Variants in KATNIP observed in about 807,000 individuals in gnomAD.
KATNIP encodes katanin-interacting protein.
KATNIP carries 126 observed loss-of-function variants against 174.0 expected under a neutral mutation model. That is an observed-to-expected ratio of 0.72 (90% CI 0.63 to 0.84). The LOEUF (loss-of-function observed/expected upper bound fraction) is 0.84, where lower values mean the gene tolerates loss of function less well. Ranked by LOEUF, KATNIP falls within the 40% of genes least tolerant of loss-of-function variation. KATNIP has a pLI of 0.00. For synonymous variants in KATNIP, 810 were observed against 835.7 expected (o/e 0.97, Z 0.53); for missense variants, 1,958 against 2,109.7 (o/e 0.93, Z 1.41).
At chr16:27,754,412 C>T (rs752348020) in intron 18 of KATNIP, 161 bp downstream of exon 18, 12 of 625,734 alleles carry the variant, frequency 1.9e-5, no homozygotes, top group South Asian at 5.8e-5. Context: ...AACCAGCCTG[C>T]GCTCAGCTCC....
At chr16:27,578,037 A>G (rs1185345254) in intron 2 of KATNIP, among the ~76,000 whole-genome samples, 1 of 152,190 alleles carries the variant, frequency 6.6e-6, no homozygotes, top group Non-Finnish European at 1.5e-5. Context: ...CCCAATGTCC[A>G]GGCCTCTTTC....
intron 14 of KATNIP, among the ~76,000 whole-genome samples, chr16:27,732,994 C>T (rs1394538541): frequency 2.0e-5 from 3 of 152,210 alleles, no homozygotes; most frequent in Non-Finnish European, 4.4e-5. Context: ...GGGCCGACTC[C>T]AGTTGTGTCG....
In KATNIP at chr16:27,573,926, A is replaced by G. The variant is rs2090395936; in HGVS notation, c.33A>G (p.Arg11=). 6.2e-7 allele frequency: 1 copy of G among 1,614,038 alleles called. No individual in the cohort carries two copies. Among genetic ancestry groups the G allele is most frequent in the Admixed American group, 1.7e-5 (1 of 59,996 alleles). The change falls in exon 2 of 28, where the codon AGA becomes AGG. Residue 11 remains arginine (R), a synonymous_variant. Coordinates refer to ENST00000261588, the MANE Select transcript of KATNIP (RefSeq NM_015202.5). MDGQTLRKAE[R]SWSCSREKKE... ...GTCAGACTCTGCGAAAGGCCGAGAG[A>G]AGCTGGTCCTGCTCACGAGAGAAAA...
At chr16:27,594,121 G>A (rs540745083) in intron 2 of KATNIP, among the ~76,000 whole-genome samples, 2 of 152,088 alleles carry the variant, frequency 1.3e-5, no homozygotes, top group South Asian at 2.1e-4. Context: ...TTAACCGGGC[G>A]TGGTGGTGTG....
intron 13 of KATNIP, among the ~76,000 whole-genome samples, chr16:27,710,153 A>T (rs747833236): frequency 2.6e-5 from 4 of 152,312 alleles, no homozygotes; most frequent in Non-Finnish European, 4.4e-5. Context: ...TGAGGCCTGG[A>T]GTTCAAGACC....
intron 5 of KATNIP, among the ~76,000 whole-genome samples, chr16:27,635,594 T>C (rs2076609113): frequency 1.3e-5 from 2 of 150,964 alleles, no homozygotes; most frequent in Non-Finnish European, 3.0e-5. Context: ...TGTGCAAGGC[T>C]CTAGGGTTCA....
chr16:27,707,337 G>A (rs555867451), intron 12 of KATNIP, among the ~76,000 whole-genome samples: 36 of 152,280 alleles, frequency 2.4e-4, no homozygotes, highest in African/African-American at 7.5e-4. Flanking sequence ...AAGCCATTCC[G>A]AACGGTGGCC....
chr16:27,765,442 C>T (rs2082088987), intron 19 of KATNIP, among the ~76,000 whole-genome samples: 1 of 152,222 alleles, frequency 6.6e-6, no homozygotes, highest in Non-Finnish European at 1.5e-5. Context: ...TGAGGGGCTC[C>T]CTCCTACAGG....
At chr16:27,569,495 G>A (rs2090209201) in intron 1 of KATNIP, among the ~76,000 whole-genome samples, 1 of 152,178 alleles carries the variant, frequency 6.6e-6, no homozygotes, top group Non-Finnish European at 1.5e-5. Context: ...AGGTCACCCT[G>A]CAAAATTCAG....
intron 18 of KATNIP, among the ~76,000 whole-genome samples, chr16:27,759,748 T>G (rs2081883927): frequency 6.6e-6 from 1 of 152,190 alleles, no homozygotes; most frequent in Admixed American, 6.6e-5. Context: ...CGTGGGCTTC[T>G]GTCCCAGTGT....
In KATNIP at chr16:27,573,967, C is replaced by T. The variant is rs1236270791; in HGVS notation, c.63+11C>T. The T allele has an allele frequency of 2.5e-6, 4 of 1,613,252 alleles. No homozygotes were observed. Among genetic ancestry groups the T allele is most frequent in the Middle Eastern group, 1.6e-4 (1 of 6,084 alleles). ...CGAGAGAAAAAGGAGGTAAATGTGT[C>T]CCTGGCGAGGGCTGATGGGAGGCAA... On this transcript the variant is annotated intron_variant, in intron 2 of 27. Transcript: ENST00000261588.
chr16:27,631,567 A>G (rs2076491774), intron 5 of KATNIP, among the ~76,000 whole-genome samples: 1 of 148,766 alleles, frequency 6.7e-6, no homozygotes, highest in South Asian at 2.1e-4. Context: ...AAAACACCCT[A>G]TGGGGAGTAG....
chr16:27,756,068 G>A (rs949373534), intron 18 of KATNIP, among the ~76,000 whole-genome samples: 35 of 152,154 alleles, frequency 2.3e-4, no homozygotes, highest in African/African-American at 8.4e-4. Context: ...GGTGGGAGGT[G>A]GGGTCTGAGC....
chr16:27,631,266 C>G (rs754527779), intron 5 of KATNIP, 104 bp downstream of exon 5: 1 of 861,060 alleles, frequency 1.2e-6, no homozygotes, highest in Non-Finnish European at 1.8e-6. Context: ...GGGCCAGGCA[C>G]AGTGGCTCCT....
intron 2 of KATNIP, among the ~76,000 whole-genome samples, chr16:27,574,710 G>A (rs954803493): frequency 5.9e-5 from 9 of 151,838 alleles, no homozygotes; most frequent in Non-Finnish European, 8.8e-5. Flanking sequence ...AATTACAGGC[G>A]CCTGCCACCA....
At chr16:27,721,877 T>A (rs1404705796) in intron 14 of KATNIP, among the ~76,000 whole-genome samples, 182 bp downstream of exon 14, 1 of 152,168 alleles carries the variant, frequency 6.6e-6, no homozygotes, top group East Asian at 1.9e-4. Flanking sequence ...GGGACAGAGC[T>A]TCCGGCTGCT....
intron 2 of KATNIP, 23 bp from the exon 3 acceptor site, chr16:27,618,402 A>G (rs984616781): frequency 1.3e-6 from 2 of 1,581,926 alleles, no homozygotes; most frequent in Admixed American, 1.7e-5. Context: ...CCGATATCAC[A>G]CTGCTCTGTT....
chr16:27,606,478 TAC>T (rs149635649), intron 2 of KATNIP, among the ~76,000 whole-genome samples: 3,326 of 144,808 alleles, frequency 0.023, 128 homozygotes, highest in African/African-American at 0.076. Flanking sequence ...ATCTCTCTCA[TAC>T]ACACACACAC....
In KATNIP at chr16:27,761,439, T is replaced by A; in HGVS notation, c.3658T>A (p.Trp1220Arg). ...CCTTCAGCTGAATTTCACTGCCTCC[T>A]GGGGAGACTTGCACTACCTGGGGCT... ...ICLQLNFTAS[W>R]GDLHYLGLTG... The change falls in exon 19 of 28, where the codon TGG becomes AGG. Residue 1220 changes from tryptophan to arginine, a missense_variant. By Grantham distance (101) the Trp-to-Arg change is moderately radical. Transcript: ENST00000261588. The A allele has an allele frequency of 6.2e-7, 1 of 1,613,490 alleles. No homozygotes were observed. The highest frequency in any genetic ancestry group is 8.5e-7 in the Non-Finnish European group (1 of 1,179,712).
Sources: allele counts gnomAD v4.1 joint callset (sites outside exome capture counted in the v4.1 genomes callset), GRCh38; gene constraint gnomAD v4.1.1; transcripts MANE v1.5; gene names NCBI Gene and HGNC (gene_info 2026-07-23, HGNC 2026-07-21).